Variants in SPAG16 observed in about 807,000 individuals in gnomAD.
The protein encoded by SPAG16 is sperm associated antigen 16, also known as sperm-associated antigen 16 protein.
A neutral mutation model predicts 80.4 loss-of-function variants in SPAG16; 86 were observed. The ratio of observed to expected loss-of-function variants is 1.07; its 90% CI spans 0.90 to 1.28. The LOEUF is 1.28. Ranked by LOEUF, SPAG16 falls within the 50% of genes most tolerant of loss-of-function variation. The pLI, the probability that SPAG16 is intolerant of heterozygous loss-of-function variation, is 0.00. For synonymous variants in SPAG16, 294 were observed against 265.9 expected (o/e 1.11, Z -1.03); for missense variants, 870 against 765.3 (o/e 1.14, Z -1.61).
At chr2:213,465,938 T>C (rs1320480135) in intron 9 of SPAG16, among the ~76,000 whole-genome samples, 2 of 152,182 alleles carry the variant, frequency 1.3e-5, no homozygotes, top group Non-Finnish European at 2.9e-5. Context: ...ATATTAACAT[T>C]TGAGTCAATG....
intron 15 of SPAG16, among the ~76,000 whole-genome samples, chr2:214,230,285 TGAC>T (rs1261794070): frequency 6.6e-6 from 1 of 151,876 alleles, no homozygotes; most frequent in East Asian, 1.9e-4. Context: ...CCAATAAACA[TGAC>T]GAGGGAAAAG....
At chr2:214,302,125 C>T (rs1417331701) in intron 15 of SPAG16, among the ~76,000 whole-genome samples, 1 of 152,038 alleles carries the variant, frequency 6.6e-6, no homozygotes, top group Non-Finnish European at 1.5e-5. Context: ...CAATTTTATT[C>T]CACTATGTTC....
chr2:213,856,775 A>C (rs12328228), intron 10 of SPAG16, among the ~76,000 whole-genome samples: 52,229 of 152,006 alleles, frequency 0.34, 9,409 homozygotes, highest in South Asian at 0.47. Flanking sequence ...AGCAGCAAGT[A>C]CCTGGGCCTG....
At chr2:213,512,216 G>A (rs182614741) in intron 10 of SPAG16, among the ~76,000 whole-genome samples, 20 of 152,022 alleles carry the variant, frequency 1.3e-4, no homozygotes, top group African/African-American at 4.8e-4. Flanking sequence ...CATATAAAGG[G>A]GAAAGAAGAT....
At chr2:214,200,672 TCAAA>T (rs1291268902) in intron 15 of SPAG16, among the ~76,000 whole-genome samples, 2 of 152,068 alleles carry the variant, frequency 1.3e-5, no homozygotes, top group African/African-American at 2.4e-5. Context: ...GATCCCCATC[TCAAA>T]CAAACAAACA....
At chr2:213,763,150 A>G (rs556018665) in intron 10 of SPAG16, among the ~76,000 whole-genome samples, 2 of 152,300 alleles carry the variant, frequency 1.3e-5, no homozygotes, top group Admixed American at 6.5e-5. Flanking sequence ...AAGGATATAG[A>G]GAAATCTGAA....
chr2:213,312,128 G>A (rs1361343772), intron 4 of SPAG16, among the ~76,000 whole-genome samples: 1 of 151,646 alleles, frequency 6.6e-6, no homozygotes, highest in Non-Finnish European at 1.5e-5. Context: ...TAAAAGCAAA[G>A]TTAATTAGTC....
At chr2:214,278,360 C>G (rs1405741347) in intron 15 of SPAG16, among the ~76,000 whole-genome samples, 2 of 152,196 alleles carry the variant, frequency 1.3e-5, no homozygotes, top group Non-Finnish European at 2.9e-5. Context: ...GAACCAGGTA[C>G]CTGACTTGGA....
At chr2:214,195,822 C>G (rs559135353) in intron 15 of SPAG16, among the ~76,000 whole-genome samples, 1 of 151,886 alleles carries the variant, frequency 6.6e-6, no homozygotes, top group Non-Finnish European at 1.5e-5. Context: ...TAGATTCTGA[C>G]GGGGAATTTC....
chr2:213,927,860 T>C (rs924827184), intron 11 of SPAG16, among the ~76,000 whole-genome samples: 3 of 152,196 alleles, frequency 2.0e-5, no homozygotes, highest in Non-Finnish European at 2.9e-5. Flanking sequence ...ATTGGAAAGA[T>C]AGATTTGAGA....
chr2:213,375,190 G>A (rs1442619415), intron 9 of SPAG16, 71 bp downstream of exon 9: 9 of 1,092,978 alleles, frequency 8.2e-6, no homozygotes, highest in Middle Eastern at 4.5e-4. Context: ...TCACTCATAT[G>A]GTATCATTAT....
intron 9 of SPAG16, among the ~76,000 whole-genome samples, chr2:213,483,957 A>G (rs987231432): frequency 2.6e-5 from 4 of 152,200 alleles, no homozygotes; most frequent in Admixed American, 6.5e-5. Flanking sequence ...AATCAAGCAG[A>G]TCTTTTATCT....
intron 12 of SPAG16, among the ~76,000 whole-genome samples, chr2:213,962,043 T>C (rs1374642368): frequency 1.3e-5 from 2 of 152,130 alleles, no homozygotes; most frequent in East Asian, 3.9e-4. Context: ...TTTAAATTAC[T>C]AATTGTTATG....
At chr2:214,040,172 G>A (rs1211249633) in intron 13 of SPAG16, among the ~76,000 whole-genome samples, 2 of 152,128 alleles carry the variant, frequency 1.3e-5, no homozygotes, top group Middle Eastern at 3.2e-3. Flanking sequence ...AATAATGGCT[G>A]GCAATTGCTT....
chr2:213,682,207 A>G (rs1039798318), intron 10 of SPAG16, among the ~76,000 whole-genome samples: 1 of 152,176 alleles, frequency 6.6e-6, no homozygotes, highest in Non-Finnish European at 1.5e-5. Context: ...ACTTTAGGGA[A>G]TTTTACACCT....
At chr2:213,895,163 A>G (rs114752089) in intron 11 of SPAG16, among the ~76,000 whole-genome samples, 3,099 of 152,068 alleles carry the variant, frequency 0.02, 37 homozygotes, top group South Asian at 0.054. Context: ...ATTCAATTCC[A>G]TTAACAATAG....
At chr2:213,590,986 C>T (rs1450343603) in intron 10 of SPAG16, among the ~76,000 whole-genome samples, 1 of 152,098 alleles carries the variant, frequency 6.6e-6, no homozygotes, top group East Asian at 1.9e-4. Context: ...AGAACAAAAC[C>T]TTTACAGCAA....
At chr2:214,290,437 G>C (rs890670340) in intron 15 of SPAG16, among the ~76,000 whole-genome samples, 2 of 151,804 alleles carry the variant, frequency 1.3e-5, no homozygotes, top group African/African-American at 4.8e-5. Flanking sequence ...ACTTACCCTT[G>C]CTTTCCTAAT....
intron 15 of SPAG16, among the ~76,000 whole-genome samples, chr2:214,208,570 A>G (rs796970601): frequency 5.3e-5 from 8 of 152,314 alleles, no homozygotes; most frequent in African/African-American, 1.9e-4. Flanking sequence ...TATAATAGTT[A>G]AAAGCATTGG....
Sources: gnomAD v4.1 joint callset for allele counts (sites outside exome capture counted in the v4.1 genomes callset) on GRCh38, gnomAD v4.1.1 for gene constraint, MANE v1.5 for transcripts, NCBI Gene and HGNC (gene_info 2026-07-23, HGNC 2026-07-21) for gene names.